RALGPS1: variants seen among roughly 807,000 people sequenced by gnomAD.
RALGPS1 encodes the protein Ral GEF with PH domain and SH3 binding motif 1.
A neutral mutation model predicts 78.8 loss-of-function variants in RALGPS1; 19 were observed. That is an observed-to-expected ratio of 0.24 (90% CI 0.17 to 0.35). The LOEUF (loss-of-function observed/expected upper bound fraction) is 0.35. Among genes scored for constraint, RALGPS1 ranks in the 10% least tolerant of loss-of-function variants. The probability of loss-of-function intolerance (pLI) is 1.00; values close to 1 mark genes in which losing one functional copy is unlikely to be tolerated. For synonymous variants in RALGPS1, 228 were observed against 256.3 expected, an observed-to-expected ratio of 0.89 and a Z score of 1.06; for missense variants, 454 against 688.3, an observed-to-expected ratio of 0.66 and a Z score of 3.81.
At chr9:126,960,584 G>A (rs1055304025) in intron 1 of RALGPS1, among the ~76,000 whole-genome samples, 3 of 152,118 alleles carry the variant, frequency 2.0e-5, no homozygotes, top group African/African-American at 7.2e-5. Context: ...CTGTGACTGA[G>A]GGACCTGGGA....
Position 127,205,027 on chromosome 9 carries a change from G to GA in RALGPS1, c.1247+5962dup, listed in dbSNP as rs2061856288. Among the ~76,000 whole-genome samples, 1 of 152,208 alleles carries GA rather than the reference G, an allele frequency of 6.6e-6. No individual in the cohort carries two copies. Among genetic ancestry groups the GA allele is most frequent in the South Asian group, 2.1e-4 (1 of 4,834 alleles). Reference sequence around the variant, plus strand: ...ACATGCCAGTGGCCATTCTCAGGGTGACTACCGCAGAGGACCTCACTGTCC... The same window carrying GA: ...ACATGCCAGTGGCCATTCTCAGGGTGAACTACCGCAGAGGACCTCACTGTCC... On this transcript the variant is annotated intron_variant, in intron 14 of 18. Transcript: ENST00000259351. The surrounding 1 kb of genome is among the most constrained non-coding windows in gnomAD (Gnocchi z 4.0).
intron 4 of RALGPS1, among the ~76,000 whole-genome samples, chr9:127,018,842 A>G (rs2045160509): frequency 6.6e-6 from 1 of 152,090 alleles, no homozygotes; most frequent in Non-Finnish European, 1.5e-5. Flanking sequence ...GAGTTGTGCT[A>G]TAACATTTCT....
At chr9:126,993,486 A>G (rs1191758423) in intron 4 of RALGPS1, among the ~76,000 whole-genome samples, 1 of 151,216 alleles carries the variant, frequency 6.6e-6, no homozygotes, top group African/African-American at 2.4e-5. Context: ...TTTGGTAGAT[A>G]TCACCAGTAG....
chr9:127,176,555 T>C (rs987194763), intron 11 of RALGPS1, among the ~76,000 whole-genome samples: 4 of 152,226 alleles, frequency 2.6e-5, no homozygotes, highest in Non-Finnish European at 4.4e-5. Flanking sequence ...AAAGTGGTGG[T>C]CTGTCCTTCC....
intron 4 of RALGPS1, 82 bp downstream of exon 4, chr9:126,977,827 A>C: frequency 1.2e-5 from 11 of 939,126 alleles, no homozygotes; most frequent in Non-Finnish European, 1.6e-5. Context: ...AGAGTGTCTC[A>C]GTTTCTCTCT....
intron 14 of RALGPS1, among the ~76,000 whole-genome samples, chr9:127,203,471 G>C (rs1346248125): frequency 2.0e-5 from 3 of 152,146 alleles, no homozygotes; most frequent in African/African-American, 7.2e-5. Context: ...GGGCCTTCTC[G>C]TGTGAGGCAC....
intron 10 of RALGPS1, among the ~76,000 whole-genome samples, chr9:127,171,369 A>G (rs2059557171): frequency 1.9e-5 from 1 of 52,680 alleles, no homozygotes; most frequent in African/African-American, 8.7e-5. Flanking sequence ...TTTAACTAGA[A>G]AAAAACTTTC....
chr9:127,144,306 G>A (rs1232969823), intron 8 of RALGPS1, among the ~76,000 whole-genome samples: 1 of 152,222 alleles, frequency 6.6e-6, no homozygotes, highest in Non-Finnish European at 1.5e-5. Context: ...GATTCGTGCA[G>A]GAACACATGA....
intron 2 of RALGPS1, among the ~76,000 whole-genome samples, chr9:126,965,478 A>G (rs1489797109): frequency 6.6e-6 from 1 of 152,208 alleles, no homozygotes; most frequent in Non-Finnish European, 1.5e-5. Context: ...CTGGCCAGAG[A>G]AAGTTAGGGT....
chr9:127,091,341 G>T lies in RALGPS1; in HGVS notation c.610+21985G>T, dbSNP rs1433198265. ...GGTTAGCTCTATACCAGGTGCCTGG[G>T]ACAGAAGTGGTGAGGCCACAGCCCA... is the stretch of plus-strand genomic sequence containing the variant. On this transcript the variant is annotated intron_variant, in intron 8 of 18. Coordinates refer to ENST00000259351, the MANE Select transcript of RALGPS1 (RefSeq NM_014636.3). The surrounding 1 kb of genome is among the most constrained non-coding windows in gnomAD (Gnocchi z 4.3). 6.6e-6 allele frequency among the ~76,000 whole-genome samples: 1 copy of T among 152,232 alleles called. No individual in the cohort carries two copies. Among genetic ancestry groups the T allele is most frequent in the African/African-American group, 2.4e-5 (1 of 41,456 alleles).
chr9:127,045,544 T>C (rs1298601424), intron 5 of RALGPS1, among the ~76,000 whole-genome samples: 5 of 152,102 alleles, frequency 3.3e-5, no homozygotes, highest in African/African-American at 1.2e-4. Flanking sequence ...TGGCAGATGG[T>C]GGGAACCAAG....
chr9:127,096,553 T>C (rs2053161949), intron 8 of RALGPS1, among the ~76,000 whole-genome samples: 1 of 152,210 alleles, frequency 6.6e-6, no homozygotes, highest in African/African-American at 2.4e-5. Context: ...GCAGTTGGCC[T>C]CGTGGCTCCA....
chr9:127,067,115 T>C (rs892982382), intron 7 of RALGPS1, among the ~76,000 whole-genome samples: 7 of 152,170 alleles, frequency 4.6e-5, no homozygotes, highest in Non-Finnish European at 1.0e-4. Context: ...CCTTGCTCCA[T>C]TTTTACCACT....
Position 127,199,076 on chromosome 9 carries a change from G to A in RALGPS1, c.1247+10G>A. The A allele has an allele frequency of 6.2e-7, 1 of 1,613,126 alleles. No individual in the cohort carries two copies. Among genetic ancestry groups the A allele is most frequent in the Non-Finnish European group, 8.5e-7 (1 of 1,179,024 alleles). ...CTTCAGGGCTGGAAAGGTGAGTGTGGCCTCAGCATGGCCTCCCTCCCAGGG... is the reference window on the plus strand; with the variant it reads ...CTTCAGGGCTGGAAAGGTGAGTGTGACCTCAGCATGGCCTCCCTCCCAGGG... On this transcript the variant is annotated intron_variant, in intron 14 of 18. Coordinates refer to ENST00000259351, the MANE Select transcript of RALGPS1 (RefSeq NM_014636.3).
intron 8 of RALGPS1, among the ~76,000 whole-genome samples, chr9:127,071,665 T>A (rs2050213971): frequency 6.6e-6 from 1 of 152,198 alleles, no homozygotes; most frequent in African/African-American, 2.4e-5. Flanking sequence ...TTTTGTTGCA[T>A]CCTACGTGTT....
intron 4 of RALGPS1, among the ~76,000 whole-genome samples, chr9:127,006,325 A>C (rs1291329377): frequency 6.6e-6 from 1 of 152,224 alleles, no homozygotes; most frequent in Non-Finnish European, 1.5e-5. Flanking sequence ...AAGCGAATGC[A>C]GTGTTGATCC....
intron 8 of RALGPS1, among the ~76,000 whole-genome samples, chr9:127,134,182 T>C (rs1349560723): frequency 6.6e-6 from 1 of 152,090 alleles, no homozygotes; most frequent in Non-Finnish European, 1.5e-5. Context: ...CTCTCCTCCT[T>C]TGTTTTTTTA....
chr9:127,003,629 C>T (rs114062262), intron 4 of RALGPS1, among the ~76,000 whole-genome samples: 1,744 of 152,108 alleles, frequency 0.011, 11 homozygotes, highest in South Asian at 0.043. Flanking sequence ...ATTGCTGGCT[C>T]GTAAGGTGTG....
chr9:126,972,919 A>G (rs1348496302), intron 3 of RALGPS1, among the ~76,000 whole-genome samples: 1 of 152,130 alleles, frequency 6.6e-6, no homozygotes, highest in Non-Finnish European at 1.5e-5. Context: ...AAAATTAGCC[A>G]GGCATGGTGG....
Sources: gnomAD v4.1 joint callset for allele counts (sites outside exome capture counted in the v4.1 genomes callset) on GRCh38, gnomAD v4.1.1 for gene constraint, Gnocchi (gnomAD v3.1) non-coding constraint, MANE v1.5 for transcripts, NCBI Gene and HGNC (gene_info 2026-07-23, HGNC 2026-07-21) for gene names.